Variants in ESRRG observed in about 807,000 individuals in gnomAD.
The protein encoded by ESRRG is estrogen-related receptor gamma.
A neutral mutation model predicts 44.0 loss-of-function variants in ESRRG; 13 were observed. The ratio of observed to expected loss-of-function variants is 0.30; its 90% CI spans 0.19 to 0.47. The LOEUF (loss-of-function observed/expected upper bound fraction) is 0.47, where lower values mean the gene tolerates loss of function less well. Among genes scored for constraint, ESRRG ranks in the 20% least tolerant of loss-of-function variants. ESRRG has a pLI of 1.00. For synonymous variants in ESRRG, 215 were observed against 214.6 expected, an observed-to-expected ratio of 1.00 and a Z score of -0.02; for missense variants, 395 against 580.6, an observed-to-expected ratio of 0.68 and a Z score of 3.29.
chr1:216,984,869 T>C (rs1425233572), intron 1 of ESRRG, among the ~76,000 whole-genome samples: 1 of 152,228 alleles, frequency 6.6e-6, no homozygotes. Context: ...TTAACACATA[T>C]ATGTAGCTTC....
At chr1:216,634,735 G>A (rs1383862171) in intron 3 of ESRRG, among the ~76,000 whole-genome samples, 2 of 152,144 alleles carry the variant, frequency 1.3e-5, no homozygotes, top group African/African-American at 4.8e-5. Context: ...AGACAGGGGC[G>A]TGGATACATT....
intron 2 of ESRRG, among the ~76,000 whole-genome samples, chr1:216,731,389 C>T (rs2088741688): frequency 1.3e-5 from 2 of 152,156 alleles, no homozygotes; most frequent in Non-Finnish European, 2.9e-5. Flanking sequence ...AATTAATCAG[C>T]AGAAAAAGAC....
chr1:216,540,075 T>G (rs893232089), intron 5 of ESRRG, among the ~76,000 whole-genome samples: 4 of 152,018 alleles, frequency 2.6e-5, no homozygotes, highest in African/African-American at 4.8e-5. Flanking sequence ...TCTGGCCACA[T>G]TGTATGTAGA....
chr1:216,730,305 T>TAAAAAAAAA (rs11445965), intron 2 of ESRRG, among the ~76,000 whole-genome samples: 2 of 121,452 alleles, frequency 1.6e-5, no homozygotes, highest in African/African-American at 3.1e-5. Flanking sequence ...CTTAGAAAGG[T>TAAAAAAAAA]AAAAAAAAAA....
chr1:217,127,257 T>A (rs1300467506), intron 1 of ESRRG, among the ~76,000 whole-genome samples: 1 of 152,234 alleles, frequency 6.6e-6, no homozygotes, highest in African/African-American at 2.4e-5. Flanking sequence ...TGTTTATTAT[T>A]GCCTTTTGCT....
chr1:216,513,208 T>C (rs1049369481), intron 6 of ESRRG, among the ~76,000 whole-genome samples: 3 of 152,148 alleles, frequency 2.0e-5, no homozygotes, highest in Non-Finnish European at 4.4e-5. Context: ...TAAAATGATA[T>C]AGATAAAAAG....
At chr1:216,630,306 AT>A (rs1365579821) in intron 3 of ESRRG, among the ~76,000 whole-genome samples, 1 of 152,104 alleles carries the variant, frequency 6.6e-6, no homozygotes, top group African/African-American at 2.4e-5. Context: ...AGCCTGAATT[AT>A]TTTTCCCTTC....
chr1:216,818,836 C>T (rs1216015791), intron 2 of ESRRG, among the ~76,000 whole-genome samples: 1 of 152,104 alleles, frequency 6.6e-6, no homozygotes, highest in Admixed American at 6.6e-5. Flanking sequence ...CATCACTCAG[C>T]TCCCACTTAT....
chr1:217,086,298 T>A (rs1243780509), intron 1 of ESRRG, among the ~76,000 whole-genome samples: 1 of 152,216 alleles, frequency 6.6e-6, no homozygotes, highest in African/African-American at 2.4e-5. Context: ...TGAGAATAAC[T>A]CAAATTGTAT....
At chr1:216,642,989 T>C (rs546043198) in intron 3 of ESRRG, among the ~76,000 whole-genome samples, 3 of 152,266 alleles carry the variant, frequency 2.0e-5, no homozygotes, top group African/African-American at 7.2e-5. Flanking sequence ...GAACATTTTG[T>C]TAAAATGGAA....
intron 1 of ESRRG, among the ~76,000 whole-genome samples, chr1:217,012,895 A>G (rs1446035181): frequency 6.6e-6 from 1 of 152,096 alleles, no homozygotes; most frequent in African/African-American, 2.4e-5. Context: ...CAGCTCTACA[A>G]CTCAGAAGTT....
intron 1 of ESRRG, among the ~76,000 whole-genome samples, chr1:217,019,503 A>G (rs1483007695): frequency 2.6e-5 from 4 of 152,226 alleles, no homozygotes; most frequent in African/African-American, 9.6e-5. Flanking sequence ...AGAAAGAAAA[A>G]TGCTTAGAGT....
intron 2 of ESRRG, 42 bp from the exon 3 acceptor site, chr1:216,651,131 T>C: frequency 7.8e-7 from 1 of 1,281,920 alleles, no homozygotes; most frequent in Non-Finnish European, 1.1e-6. Flanking sequence ...ATTTACAAGA[T>C]CCAGGAAACA....
At chr1:216,832,062 T>C (rs2095495994) in intron 2 of ESRRG, among the ~76,000 whole-genome samples, 1 of 152,220 alleles carries the variant, frequency 6.6e-6, no homozygotes, top group Non-Finnish European at 1.5e-5. Flanking sequence ...TCTCATGTTA[T>C]ACAACTGGCA....
intron 3 of ESRRG, among the ~76,000 whole-genome samples, chr1:216,643,960 G>C (rs1257072202): frequency 6.6e-6 from 1 of 152,142 alleles, no homozygotes; most frequent in African/African-American, 2.4e-5. Flanking sequence ...GCATGGAGCA[G>C]GAAAGACCTC....
At chr1:216,874,296 G>A (rs1189245173) in intron 2 of ESRRG, among the ~76,000 whole-genome samples, 1 of 152,128 alleles carries the variant, frequency 6.6e-6, no homozygotes, top group Non-Finnish European at 1.5e-5. Flanking sequence ...AGCTCTCATA[G>A]CTCAAATTCA....
In ESRRG at chr1:216,750,770, A is replaced by ATTTTT. The variant is rs772336936; in HGVS notation, c.-13-73280_-13-73279insAAAAA. On this transcript the variant is annotated intron_variant, in intron 2 of 7. Transcript: ENST00000359162. ...AAGAGAGTTATTTACCTTTTTTTAA[A>ATTTTT]AAAAAACTCAAAGCCATAACAATTT... Among the ~76,000 whole-genome samples the ATTTTT allele has an allele frequency of 1.5e-4, 23 of 151,808 alleles. 1 individual carries two copies. Among genetic ancestry groups the ATTTTT allele is most frequent in the Admixed American group, 2.6e-4 (4 of 15,224 alleles).
upstream of ESRRG, among the ~76,000 whole-genome samples, chr1:217,091,825 G>A (rs968317019): frequency 1.1e-4 from 16 of 152,156 alleles, no homozygotes; most frequent in African/African-American, 3.9e-4. Context: ...CTATCCAAGA[G>A]GTACTCGTTA....
chr1:216,739,659 C>T (rs117168007), intron 2 of ESRRG, among the ~76,000 whole-genome samples: 1 of 152,282 alleles, frequency 6.6e-6, no homozygotes, highest in East Asian at 1.9e-4. Flanking sequence ...CCAGGTGATT[C>T]TGATGCATGT....
Sources: allele counts gnomAD v4.1 joint callset (sites outside exome capture counted in the v4.1 genomes callset), GRCh38; gene constraint gnomAD v4.1.1; transcripts MANE v1.5; gene names NCBI Gene and HGNC (gene_info 2026-07-23, HGNC 2026-07-21).